The following CDIN1 variants were observed in gnomAD, a reference collection of about 807,000 sequenced individuals.
CDIN1 encodes CDAN1-interacting nuclease 1.
A neutral mutation model predicts 45.3 loss-of-function variants in CDIN1; 33 were observed. The observed-to-expected ratio is 0.73, with a 90% CI of 0.55 to 0.97. CDIN1 has a LOEUF of 0.97. CDIN1 is among the 50% of genes least tolerant of loss of function. The pLI, the probability that CDIN1 is intolerant of heterozygous loss-of-function variation, is 0.00. For synonymous variants in CDIN1, 118 were observed against 124.4 expected (o/e 0.95, Z 0.34); for missense variants, 303 against 339.4 (o/e 0.89, Z 0.84).
intron 10 of CDIN1, among the ~76,000 whole-genome samples, chr15:36,715,894 A>G (rs941620695): frequency 1.3e-5 from 2 of 152,156 alleles, no homozygotes; most frequent in Admixed American, 6.5e-5. Context: ...TAATGGTTAT[A>G]ATGGATAAGT....
At chr15:36,587,223 C>A (rs1425874692) in intron 1 of CDIN1, among the ~76,000 whole-genome samples, 1 of 151,986 alleles carries the variant, frequency 6.6e-6, no homozygotes, top group Non-Finnish European at 1.5e-5. Context: ...TCTATCTTGG[C>A]CCATATCTCC....
At chr15:36,750,864 A>G (rs1416026682) in intron 10 of CDIN1, among the ~76,000 whole-genome samples, 1 of 152,158 alleles carries the variant, frequency 6.6e-6, no homozygotes, top group East Asian at 1.9e-4. Flanking sequence ...AGGAAAAGCC[A>G]TGGAGATCAG....
intron 5 of CDIN1, among the ~76,000 whole-genome samples, chr15:36,665,771 T>A (rs887557338): frequency 6.6e-6 from 1 of 152,236 alleles, no homozygotes; most frequent in South Asian, 2.1e-4. Context: ...GTATGCTAAA[T>A]TTTCTGGTAC....
At chr15:36,764,870 C>T (rs778149996) in intron 10 of CDIN1, among the ~76,000 whole-genome samples, 3 of 151,976 alleles carry the variant, frequency 2.0e-5, no homozygotes, top group Non-Finnish European at 4.4e-5. Flanking sequence ...CATTTGCTGC[C>T]GATAAGAATG....
intron 10 of CDIN1, among the ~76,000 whole-genome samples, chr15:36,756,886 A>G (rs993198323): frequency 6.6e-6 from 1 of 152,202 alleles, no homozygotes; most frequent in African/African-American, 2.4e-5. Context: ...TTTGACATGG[A>G]CAGCCTTCAC....
At chr15:36,624,936 A>G (rs1244107956) in intron 1 of CDIN1, among the ~76,000 whole-genome samples, 1 of 152,138 alleles carries the variant, frequency 6.6e-6, no homozygotes, top group African/African-American at 2.4e-5. Context: ...GGGGCAGAAC[A>G]TATATTTTTG....
chr15:36,721,785 T>C (rs1019779504), intron 10 of CDIN1, among the ~76,000 whole-genome samples: 2 of 152,106 alleles, frequency 1.3e-5, no homozygotes, highest in Non-Finnish European at 2.9e-5. Context: ...TCTCTCTCTC[T>C]CTCTGTCTGT....
At chr15:36,586,765 T>A (rs1291533464) in intron 1 of CDIN1, among the ~76,000 whole-genome samples, 1 of 152,160 alleles carries the variant, frequency 6.6e-6, no homozygotes, top group Non-Finnish European at 1.5e-5. Flanking sequence ...GGCAACATAT[T>A]TCTAAAAACA....
intron 10 of CDIN1, among the ~76,000 whole-genome samples, chr15:36,712,514 T>C (rs2043092040): frequency 6.6e-6 from 1 of 152,128 alleles, no homozygotes; most frequent in African/African-American, 2.4e-5. Flanking sequence ...TCCACCTTCC[T>C]TGGTCTCCCA....
chr15:36,651,550 A>G lies in CDIN1; in HGVS notation c.213-2548A>G, dbSNP rs117955818. Among the ~76,000 whole-genome samples the G allele has an allele frequency of 5.3e-5, 8 of 152,224 alleles. No homozygotes were observed. The East Asian group carries it at 1.5e-3, about 29-fold the overall frequency. ...ACAAATATAACCTTAAATTAAACTT[A>G]ATTTTTTTTCCTACCACTTATGAGG... On this transcript the variant is annotated intron_variant, in intron 3 of 10. Coordinates refer to ENST00000566621, the MANE Select transcript of CDIN1 (RefSeq NM_001321759.2).
rs548396128 is a variant in CDIN1, at chr15:36,704,024, A to C, written c.545-5199A>C. 1.2e-4 allele frequency among the ~76,000 whole-genome samples: 18 copies of C among 152,208 alleles called. No individual in the cohort carries two copies. In the South Asian group the frequency reaches 3.7e-3, roughly 32 times the overall value. ...AACCTGTCCTGTATCTTTTTATTCT[A>C]CTATGTTGATTTGTCCCTTCATCTA... On this transcript the variant is annotated intron_variant, in intron 8 of 10. Transcript: ENST00000566621.
chr15:36,650,622 T>C (rs2140435734), intron 3 of CDIN1, among the ~76,000 whole-genome samples: 1 of 152,020 alleles, frequency 6.6e-6, no homozygotes, highest in East Asian at 2.0e-4. Flanking sequence ...TTTGTGCTTT[T>C]AGTAGAGACA....
At chr15:36,706,129 G>A (rs564889157) in intron 8 of CDIN1, 68 of 152,208 alleles carry the variant, frequency 4.5e-4, no homozygotes, top group Non-Finnish European at 9.3e-4. Context: ...TTTTATAAGA[G>A]CCTGTATGAA....
intron 1 of CDIN1, among the ~76,000 whole-genome samples, chr15:36,629,377 A>G (rs1240938500): frequency 6.6e-6 from 1 of 152,194 alleles, no homozygotes; most frequent in African/African-American, 2.4e-5. Context: ...TTTAGCACTG[A>G]ATATTACTGA....
At chr15:36,690,275 CTT>C (rs555387863) in intron 5 of CDIN1, among the ~76,000 whole-genome samples, 1 of 146,142 alleles carries the variant, frequency 6.8e-6, no homozygotes, top group African/African-American at 2.5e-5. Context: ...ACATTTTTTT[CTT>C]TTTTTTTTTG....
intron 5 of CDIN1, among the ~76,000 whole-genome samples, chr15:36,688,704 A>G (rs1034548761): frequency 6.6e-6 from 1 of 152,184 alleles, no homozygotes; most frequent in Non-Finnish European, 1.5e-5. Flanking sequence ...GGCTTTCTTG[A>G]GGCCTCTTAG....
intron 5 of CDIN1, among the ~76,000 whole-genome samples, chr15:36,672,908 G>A (rs1327319897): frequency 6.6e-6 from 1 of 152,030 alleles, no homozygotes; most frequent in East Asian, 1.9e-4. Flanking sequence ...AGCAGGGTAA[G>A]CAGGGCTGTA....
At chr15:36,603,148 C>T (rs1205397070) in intron 1 of CDIN1, among the ~76,000 whole-genome samples, 5 of 152,176 alleles carry the variant, frequency 3.3e-5, no homozygotes, top group Admixed American at 2.6e-4. Context: ...TATCCTTGTA[C>T]TTAGTAAGTG....
At chr15:36,700,271 T>A (rs1829055183) in intron 8 of CDIN1, among the ~76,000 whole-genome samples, 1 of 152,194 alleles carries the variant, frequency 6.6e-6, no homozygotes, top group South Asian at 2.1e-4. Flanking sequence ...GTGCTCCCAG[T>A]GCTCATAGTC....
Sources: gnomAD v4.1 joint callset for allele counts (sites outside exome capture counted in the v4.1 genomes callset) on GRCh38, gnomAD v4.1.1 for gene constraint, MANE v1.5 for transcripts, NCBI Gene and HGNC (gene_info 2026-07-23, HGNC 2026-07-21) for gene names.